Variants in STXBP5 observed in about 807,000 individuals in gnomAD.
STXBP5 encodes syntaxin-binding protein 5.
A neutral mutation model predicts 152.4 loss-of-function variants in STXBP5; 50 were observed. The observed-to-expected ratio is 0.33, with a 90% CI of 0.26 to 0.42. The LOEUF (loss-of-function observed/expected upper bound fraction) is 0.42, where lower values mean the gene tolerates loss of function less well. STXBP5 is among the 10% of genes least tolerant of loss of function. The pLI is 1.00. For synonymous variants in STXBP5, 492 were observed against 494.7 expected (o/e 0.99, Z 0.07); for missense variants, 1,167 against 1,388.6 (o/e 0.84, Z 2.54).
At chr6:147,207,379 T>C (rs1776621478) in intron 2 of STXBP5, among the ~76,000 whole-genome samples, 7 of 152,222 alleles carry the variant, frequency 4.6e-5, no homozygotes, top group Admixed American at 3.3e-4. Flanking sequence ...GTCATACCTT[T>C]ATAAACGACA....
chr6:147,327,017 A>G, intron 17 of STXBP5, 108 bp from the exon 18 acceptor site: 1 of 1,003,884 alleles, frequency 1.0e-6, no homozygotes, highest in East Asian at 2.5e-5. Context: ...GTTTCAAAGA[A>G]TTTTCTGAAA....
chr6:147,205,397 TAG>T (rs1341882047), intron 1 of STXBP5, among the ~76,000 whole-genome samples: 30 of 148,848 alleles, frequency 2.0e-4, no homozygotes, highest in African/African-American at 7.5e-4. Flanking sequence ...TATATATATA[TAG>T]GTCTAATGCC....
chr6:147,343,817 C>T (rs527358698), intron 21 of STXBP5, among the ~76,000 whole-genome samples: 5 of 152,238 alleles, frequency 3.3e-5, no homozygotes, highest in Admixed American at 1.3e-4. Flanking sequence ...GCTAGTATTT[C>T]TACTTTACAT....
At chr6:147,297,109 G>A (rs946033393) in intron 9 of STXBP5, among the ~76,000 whole-genome samples, 3 of 152,110 alleles carry the variant, frequency 2.0e-5, no homozygotes, top group Non-Finnish European at 2.9e-5. Context: ...TCAGATCCAG[G>A]AAGCTCTGGA....
intron 21 of STXBP5, among the ~76,000 whole-genome samples, chr6:147,347,354 A>G (rs1276373382): frequency 6.6e-6 from 1 of 150,972 alleles, no homozygotes; most frequent in Non-Finnish European, 1.5e-5. Context: ...CTAACCATGA[A>G]AGAAGCCAAG....
At chr6:147,254,941 A>C (rs1170449689) in intron 4 of STXBP5, among the ~76,000 whole-genome samples, 1 of 152,226 alleles carries the variant, frequency 6.6e-6, no homozygotes, top group Non-Finnish European at 1.5e-5. Context: ...CAGAAATACC[A>C]TTTGACCCAG....
Position 147,287,916 on chromosome 6 carries a change from G to T in STXBP5, c.839-3178G>T, listed in dbSNP as rs60426717. 7.2e-3 allele frequency among the ~76,000 whole-genome samples: 1,098 copies of T among 151,954 alleles called. 13 individuals are homozygous for T. Among genetic ancestry groups the T allele is most frequent in the African/African-American group, 0.025 (1,053 of 41,454 alleles). ...GCCATGTATGAGTATCCCTTTTCCAGTGTCCTTGCCAGTGATAGGTGTTAT... is the reference window on the plus strand; with the variant it reads ...GCCATGTATGAGTATCCCTTTTCCATTGTCCTTGCCAGTGATAGGTGTTAT... On this transcript the variant is annotated intron_variant, in intron 8 of 27. Transcript: ENST00000321680.
At chr6:147,205,755 A>G (rs1292233241) in intron 1 of STXBP5, among the ~76,000 whole-genome samples, 2 of 152,228 alleles carry the variant, frequency 1.3e-5, no homozygotes, top group South Asian at 2.1e-4. Context: ...AAGCGAAATT[A>G]AAGTATATCA....
chr6:147,253,391 G>A (rs987986080), intron 4 of STXBP5, among the ~76,000 whole-genome samples: 2 of 152,100 alleles, frequency 1.3e-5, no homozygotes, highest in African/African-American at 2.4e-5. Flanking sequence ...TTTGAAAACC[G>A]GTACAAGACA....
chr6:147,245,522 T>C (rs937590421), intron 4 of STXBP5, among the ~76,000 whole-genome samples: 2 of 152,138 alleles, frequency 1.3e-5, no homozygotes, highest in African/African-American at 2.4e-5. Flanking sequence ...CTGAAAGGAA[T>C]TGGTAGCAAC....
chr6:147,246,599 G>A (rs115803604), intron 4 of STXBP5, among the ~76,000 whole-genome samples: 3,361 of 152,028 alleles, frequency 0.022, 128 homozygotes, highest in African/African-American at 0.077. Flanking sequence ...TTCTAAAGAC[G>A]TATGTTTTTT....
intron 14 of STXBP5, among the ~76,000 whole-genome samples, chr6:147,315,292 T>C (rs1251465625): frequency 6.6e-6 from 1 of 152,154 alleles, no homozygotes; most frequent in Non-Finnish European, 1.5e-5. Context: ...TCCATTGTGA[T>C]AATAGATTTT....
intron 8 of STXBP5, among the ~76,000 whole-genome samples, chr6:147,289,154 C>G (rs1781147661): frequency 1.3e-5 from 2 of 152,200 alleles, no homozygotes; most frequent in Non-Finnish European, 2.9e-5. Flanking sequence ...CTCCCTGGCG[C>G]CGGCTGCCAA....
rs181155219 is a variant in STXBP5, at chr6:147,317,119, T to C, written c.1802+712T>C. On this transcript the variant is annotated intron_variant, in intron 16 of 27. Transcript: ENST00000321680. ...GTAGCACTCAGAGAGATTCAGTAGA[T>C]TGGTAGAGGGCAAAAGCCAGAGTGT... 7.2e-5 allele frequency among the ~76,000 whole-genome samples: 11 copies of C among 152,208 alleles called. No homozygotes were observed. In the East Asian group the frequency reaches 1.4e-3, roughly 19 times the overall value.
At chr6:147,351,767 C>T in intron 21 of STXBP5, 1 of 773,490 alleles carries the variant, frequency 1.3e-6, no homozygotes, top group Non-Finnish European at 1.6e-6. Context: ...ATGTCCCTTC[C>T]AACCCCCATT....
intron 4 of STXBP5, among the ~76,000 whole-genome samples, chr6:147,254,293 C>G (rs1320421144): frequency 6.6e-6 from 1 of 152,162 alleles, no homozygotes; most frequent in Admixed American, 6.5e-5. Flanking sequence ...GAAATTAACT[C>G]AAGGTGGATT....
chr6:147,277,807 T>A (rs1780519126), intron 7 of STXBP5, among the ~76,000 whole-genome samples: 1 of 152,166 alleles, frequency 6.6e-6, no homozygotes, highest in South Asian at 2.1e-4. Context: ...AAACATTTTG[T>A]TTCACTGAAC....
rs1786533516 is a variant in STXBP5, at chr6:147,390,357, A to G, written c.*5602A>G. The G allele has an allele frequency of 6.6e-6, 1 of 152,000 alleles. No homozygotes were observed. The allele number at this position is 152,000 out of a possible 1,614,324, so 9.4% of individuals were successfully genotyped here. The stretch of plus-strand genomic sequence containing the variant: ...GTTAAGCTGGTATTTTAAAAAATGT[A>G]TTATAAATTAATTAATGTTTCTGGA... On this transcript the variant is annotated 3_prime_UTR_variant, in exon 28 of 28. Transcript: ENST00000321680.
At chr6:147,337,901 A>G (rs1158048632) in intron 19 of STXBP5, among the ~76,000 whole-genome samples, 1 of 152,096 alleles carries the variant, frequency 6.6e-6, no homozygotes, top group Non-Finnish European at 1.5e-5. Context: ...TATAAAAGTA[A>G]TGGTTCTGCC....
Sources: gnomAD v4.1 joint callset for allele counts (sites outside exome capture counted in the v4.1 genomes callset) on GRCh38, gnomAD v4.1.1 for gene constraint, MANE v1.5 for transcripts, NCBI Gene and HGNC (gene_info 2026-07-23, HGNC 2026-07-21) for gene names.